LRP5: variants seen among roughly 807,000 people sequenced by gnomAD.
LRP5 encodes the protein low-density lipoprotein receptor-related protein 5.
A neutral mutation model predicts 154.1 loss-of-function variants in LRP5; 62 were observed. The ratio of observed to expected loss-of-function variants is 0.40; its 90% CI spans 0.33 to 0.50. The LOEUF is 0.50. LRP5 is among the 20% of genes least tolerant of loss of function. The pLI is 0.55. For missense variants in LRP5, 1,915 were observed against 2,336.7 expected (o/e 0.82, Z 3.72); for synonymous variants, 966 against 1,011.5 (o/e 0.96, Z 0.85).
rs1255253000 is a variant in LRP5 at position 68,386,843 on chromosome 11, C to T, written c.1412+131C>T. On this transcript the variant is annotated intron_variant, in intron 6 of 22. Coordinates refer to ENST00000294304, the MANE Select transcript of LRP5 (RefSeq NM_002335.4). The surrounding 1 kb of genome is among the most constrained non-coding windows in gnomAD (Gnocchi z 7.9). ...CCCGGAGGAGGGCTTGTTAAAACAC[C>T]GGCAGCTGGGCCCCACCCCCAGAGC... 1.2e-5 allele frequency: 13 copies of T among 1,106,488 alleles called. No individual in the cohort carries two copies. Among genetic ancestry groups the T allele is most frequent in the East Asian group, 1.0e-4 (4 of 38,602 alleles). 68.5% of individuals were successfully genotyped at this position (1,106,488 alleles called of 1,614,324 possible). A position where few individuals can be genotyped will look rare whatever the true frequency, so the allele number is the denominator to read the frequency against.
intron 21 of LRP5, 134 bp from the exon 22 acceptor site, chr11:68,446,302 G>A (rs1205074981): frequency 1.4e-6 from 1 of 719,718 alleles, no homozygotes; most frequent in East Asian, 2.6e-5. Context: ...TTTGCCAACT[G>A]GCCAGAGGAA....
Position 68,433,827 on chromosome 11 carries a change from C to T in LRP5, c.3989C>T (p.Ala1330Val), listed in dbSNP as rs3736228. 226,788 of 1,611,778 alleles carry T rather than the reference C, an allele frequency of 0.14. 17,351 individuals carry two copies. The highest frequency in any genetic ancestry group is 0.24 in the East Asian group (10,659 of 44,852). The change falls in exon 18 of 23, where the codon GCG becomes GTG. Residue 1330 changes from alanine (A) to valine (V), a missense_variant. By Grantham distance (64) the Ala-to-Val change is moderately conservative. Coordinates refer to ENST00000294304, the MANE Select transcript of LRP5 (RefSeq NM_002335.4). ...EADCQDRSDE[A>V]DCDAICLPNQ... ...GACTGTCAGGACCGCTCAGACGAGG[C>T]GGACTGTGACGGTGAGGCCCTCCCC...
At chr11:68,433,893 A>T in intron 18 of LRP5, 55 bp downstream of exon 18, 6 of 1,547,102 alleles carry the variant, frequency 3.9e-6, no homozygotes, top group Non-Finnish European at 5.3e-6. Flanking sequence ...CCTCCGGGAT[A>T]CGAGCTTGGG....
chr11:68,391,210 C>T (rs1411662988), intron 7 of LRP5, among the ~76,000 whole-genome samples: 3 of 152,208 alleles, frequency 2.0e-5, no homozygotes, highest in Non-Finnish European at 1.5e-5. Flanking sequence ...CTCACATGAT[C>T]CACCTGCCTC....
chr11:68,424,170 G>A (rs2098667378), intron 14 of LRP5, among the ~76,000 whole-genome samples: 1 of 152,206 alleles, frequency 6.6e-6, no homozygotes, highest in South Asian at 2.1e-4. Context: ...AAAAGCCAGG[G>A]AAAGAGGGAG....
intron 7 of LRP5, among the ~76,000 whole-genome samples, chr11:68,402,281 T>TC (rs1231947544): frequency 1.3e-5 from 2 of 152,220 alleles, no homozygotes; most frequent in Non-Finnish European, 2.9e-5. Flanking sequence ...CAGAACCACG[T>TC]CCTATCTCAC....
chr11:68,448,525 G>A (rs2098682654), intron 22 of LRP5, among the ~76,000 whole-genome samples: 1 of 152,256 alleles, frequency 6.6e-6, no homozygotes, highest in Admixed American at 6.5e-5. Flanking sequence ...TCAGCTAGCA[G>A]GCTCTAGAGG....
At position 68,413,620 on chromosome 11, in the gene LRP5, G is replaced by A. The variant is rs1460975821; in HGVS notation, c.2504-69G>A. Reference sequence around the variant, plus strand: ...GCAGGGTTGAACCCTGGCTCACCCCGCAGGGCGCCGTGTGCTCTGTGGCCT... The same window carrying A: ...GCAGGGTTGAACCCTGGCTCACCCCACAGGGCGCCGTGTGCTCTGTGGCCT... On this transcript the variant is annotated intron_variant, in intron 11 of 22. Coordinates refer to ENST00000294304, the MANE Select transcript of LRP5 (RefSeq NM_002335.4). The surrounding 1 kb of genome is among the most constrained non-coding windows in gnomAD (Gnocchi z 5.1). The A allele has an allele frequency of 6.3e-6, 9 of 1,435,206 alleles. No homozygotes were observed. Among genetic ancestry groups the A allele is most frequent in the Middle Eastern group, 1.8e-4 (1 of 5,700 alleles). The allele number at this position is 1,435,206 out of a possible 1,614,324, so 88.9% of individuals were successfully genotyped here. A position where few individuals can be genotyped will look rare whatever the true frequency, so the allele number is the denominator to read the frequency against.
At chr11:68,410,220 AGGCTGT>A in intron 10 of LRP5, 80 bp downstream of exon 10, 3 of 1,186,330 alleles carry the variant, frequency 2.5e-6, no homozygotes, top group Non-Finnish European at 3.7e-6. Context: ...GCAAGGTGGC[AGGCTGT>A]CCGTGTGGCC....
intron 19 of LRP5, 106 bp downstream of exon 19, chr11:68,437,105 T>A: frequency 2.1e-6 from 2 of 967,646 alleles, no homozygotes; most frequent in Non-Finnish European, 1.6e-6. Context: ...GGGGGCTGTG[T>A]GGGAGACTCA....
intron 7 of LRP5, among the ~76,000 whole-genome samples, chr11:68,395,013 C>T (rs561879536): frequency 5.8e-4 from 87 of 150,210 alleles, no homozygotes; most frequent in African/African-American, 1.9e-3. Flanking sequence ...TGAGAGCAAC[C>T]GAGGTGGCTG....
chr11:68,362,047 A>G (rs982384511), intron 3 of LRP5, among the ~76,000 whole-genome samples: 3 of 152,232 alleles, frequency 2.0e-5, no homozygotes, highest in South Asian at 2.1e-4. Flanking sequence ...GGGTGAATGG[A>G]TGCACAGATT....
At chr11:68,433,510 C>T in intron 17 of LRP5, 92 bp from the exon 18 acceptor site, 1 of 1,146,474 alleles carries the variant, frequency 8.7e-7, no homozygotes, top group Non-Finnish European at 1.3e-6. Flanking sequence ...CGCTGAGTCC[C>T]TCTCAACTTC....
Position 68,413,849 on chromosome 11 carries a change from CGT to C in LRP5, c.2666_2667del (p.Val889AspfsTer16), listed in dbSNP as rs770862328. 1.2e-6 allele frequency: 2 copies of C among 1,613,674 alleles called. No homozygotes were observed. The highest frequency in any genetic ancestry group is 1.7e-6 in the Non-Finnish European group (2 of 1,180,036). The stretch of plus-strand genomic sequence containing the variant: ...CCCTCATCCAGGGCCACCTGGACTT[CGT>C]GATGGACATCCTGGTGTTCCACTCC... ...RTLIQGHLDFVMDILVFHSSR... is the reference protein window; with the variant it reads ...RTLIQGHLDFXMDILVFHSSR... On this transcript the variant is annotated frameshift_variant, in exon 12 of 23. Coordinates refer to ENST00000294304, the MANE Select transcript of LRP5 (RefSeq NM_002335.4). LOFTEE classifies it high-confidence loss of function. The surrounding 1 kb of genome is among the most constrained non-coding windows in gnomAD (Gnocchi z 5.1).
chr11:68,395,258 G>A (rs1427414975), intron 7 of LRP5, among the ~76,000 whole-genome samples: 5 of 142,232 alleles, frequency 3.5e-5, no homozygotes, highest in African/African-American at 1.1e-4. Context: ...CCGAGATCCC[G>A]CCACTGCACT....
intron 21 of LRP5, among the ~76,000 whole-genome samples, chr11:68,441,111 C>T (rs748645620): frequency 2.0e-5 from 3 of 150,812 alleles, no homozygotes; most frequent in Non-Finnish European, 4.4e-5. Flanking sequence ...CAGGGTCTCG[C>T]TCTGTCACCC....
upstream of LRP5, among the ~76,000 whole-genome samples, chr11:68,311,525 GC>G (rs559672500): frequency 1.4e-4 from 22 of 152,366 alleles, no homozygotes; most frequent in African/African-American, 5.0e-4. Flanking sequence ...ATTCTTCATG[GC>G]CTGTCAATGG....
rs193180673 is a variant in LRP5 at position 68,448,435 on chromosome 11, C to T, written c.4587-374C>T. On this transcript the variant is annotated intron_variant, in intron 22 of 22. Coordinates refer to ENST00000294304, the MANE Select transcript of LRP5 (RefSeq NM_002335.4). ...CAGAATCTCATGTATCCTTCACTTTCGAAATGGGTACTATTTCATCCCCAC... is the reference window on the plus strand; with the variant it reads ...CAGAATCTCATGTATCCTTCACTTTTGAAATGGGTACTATTTCATCCCCAC... Among the ~76,000 whole-genome samples the T allele has an allele frequency of 2.0e-4, 31 of 152,348 alleles. 1 individual carries two copies. The East Asian group carries it at 5.2e-3, about 26-fold the overall frequency.
chr11:68,421,631 A>G (rs748438028), intron 13 of LRP5, among the ~76,000 whole-genome samples: 12 of 152,040 alleles, frequency 7.9e-5, no homozygotes, highest in Non-Finnish European at 1.3e-4. Flanking sequence ...ACAAAGACAC[A>G]TGATCCTTCG....
Sources: allele counts gnomAD v4.1 joint callset (sites outside exome capture counted in the v4.1 genomes callset), GRCh38; gene constraint gnomAD v4.1.1; non-coding constraint Gnocchi (gnomAD v3.1); transcripts MANE v1.5; gene names NCBI Gene and HGNC (gene_info 2026-07-23, HGNC 2026-07-21).